DPF3: variants seen among roughly 807,000 people sequenced by gnomAD.
The protein encoded by DPF3 is double PHD fingers 3, also known as zinc finger protein DPF3.
DPF3 carries 18 observed loss-of-function variants against 56.8 expected under a neutral mutation model. The observed-to-expected ratio is 0.32, with a 90% CI of 0.22 to 0.47. The LOEUF is 0.47. DPF3 is among the 20% of genes least tolerant of loss of function. The pLI is 1.00. For missense variants in DPF3, 403 were observed against 488.8 expected (o/e 0.82, Z 1.65); for synonymous variants, 188 against 180.2 (o/e 1.04, Z -0.35).
At chr14:72,882,127 T>C (rs1459642314) in intron 1 of DPF3, among the ~76,000 whole-genome samples, 2 of 152,126 alleles carry the variant, frequency 1.3e-5, no homozygotes, top group African/African-American at 4.8e-5. Flanking sequence ...ACTTGGGTTA[T>C]GTTTATCTGA....
At chr14:72,758,359 C>A (rs1386293499) in intron 2 of DPF3, among the ~76,000 whole-genome samples, 2 of 152,180 alleles carry the variant, frequency 1.3e-5, no homozygotes, top group Non-Finnish European at 2.9e-5. Flanking sequence ...AAGAGAGTCT[C>A]CAGACTGGAA....
chr14:72,843,895 C>A (rs1884650490), intron 1 of DPF3, among the ~76,000 whole-genome samples: 1 of 152,200 alleles, frequency 6.6e-6, no homozygotes, highest in African/African-American at 2.4e-5. Flanking sequence ...GCTCTCTGAG[C>A]TTATATATAT....
At chr14:72,719,062 GC>G (rs1889060026) in intron 5 of DPF3, among the ~76,000 whole-genome samples, 1 of 136,126 alleles carries the variant, frequency 7.3e-6, no homozygotes, top group African/African-American at 2.8e-5. Flanking sequence ...GAGCCACCGT[GC>G]CAGGCCTTTT....
In DPF3 at chr14:72,838,625, G is replaced by A. The variant is rs60388720; in HGVS notation, c.32+55432C>T. On this transcript the variant is annotated intron_variant, in intron 1 of 10. Transcript: ENST00000556509. ...TAATCCCAGCACTTTGGGAGGCCGAGGTGGCGGTGTAATCCCAGCTACTCG... is the reference window on the plus strand; with the variant it reads ...TAATCCCAGCACTTTGGGAGGCCGAAGTGGCGGTGTAATCCCAGCTACTCG... Among the ~76,000 whole-genome samples the A allele has an allele frequency of 4.3e-3, 651 of 151,872 alleles. 5 individuals carry two copies. The highest frequency in any genetic ancestry group is 0.015 in the African/African-American group (624 of 41,428).
At chr14:72,689,918 T>C (rs536707432) in intron 7 of DPF3, among the ~76,000 whole-genome samples, 13 of 152,312 alleles carry the variant, frequency 8.5e-5, no homozygotes, top group Admixed American at 2.6e-4. Context: ...CTGTGAGATG[T>C]CACTAAAAAG....
intron 7 of DPF3, among the ~76,000 whole-genome samples, chr14:72,688,070 C>T (rs1887487915): frequency 6.6e-6 from 1 of 151,360 alleles, no homozygotes; most frequent in South Asian, 2.1e-4. Flanking sequence ...TGCCTGTCCT[C>T]CCTAGTCCCA....
Position 72,614,170 on chromosome 14 carries a change from G to A in DPF3, c.*5127C>T, listed in dbSNP as rs968410333. Among the ~76,000 whole-genome samples, 1 of 152,184 alleles carries A rather than the reference G, an allele frequency of 6.6e-6. No homozygotes were observed. The highest frequency in any genetic ancestry group is 2.4e-5 in the African/African-American group (1 of 41,452). On this transcript the variant is annotated 3_prime_UTR_variant, in exon 11 of 11. Coordinates refer to ENST00000556509, the MANE Select transcript of DPF3 (RefSeq NM_001280542.3). ...AATCATAAGCAGACTCCCAAACCCTGGGAATGCTCAGAAATGGGGGAGGGA... is the reference window on the plus strand; with the variant it reads ...AATCATAAGCAGACTCCCAAACCCTAGGAATGCTCAGAAATGGGGGAGGGA...
rs530652582 is a variant in DPF3, at chr14:72,671,587, G to A, written c.871+2653C>T. On this transcript the variant is annotated intron_variant, in intron 8 of 10. Transcript: ENST00000556509. ...CATAGTACATATGTCCACAGCTTCC[G>A]ACAGCAAAAGATTCAACCATGATCT... The A allele has an allele frequency of 7.1e-5, 46 of 648,278 alleles. 1 individual carries two copies. Among genetic ancestry groups the A allele is most frequent in the Admixed American group, 2.7e-4 (14 of 51,868 alleles). The allele number at this position is 648,278 out of a possible 1,614,324, so 40.2% of individuals were successfully genotyped here. A position where few individuals can be genotyped will look rare whatever the true frequency, so the allele number is the denominator to read the frequency against.
intron 1 of DPF3, among the ~76,000 whole-genome samples, chr14:72,820,125 T>C (rs2215591): frequency 0.95 from 144,387 of 152,276 alleles, 68,547 homozygotes; most frequent in South Asian, 0.99. Flanking sequence ...GAACTATATA[T>C]TTTGAATGAG....
At position 72,617,247 on chromosome 14, in the gene DPF3, C is replaced by T. The variant is rs1297403645; in HGVS notation, c.*2050G>A. Among the ~76,000 whole-genome samples the T allele has an allele frequency of 1.3e-5, 2 of 152,208 alleles. No individual in the cohort carries two copies. Among genetic ancestry groups the T allele is most frequent in the Admixed American group, 6.5e-5 (1 of 15,280 alleles). On this transcript the variant is annotated 3_prime_UTR_variant, in exon 11 of 11. Coordinates refer to ENST00000556509, the MANE Select transcript of DPF3 (RefSeq NM_001280542.3). The stretch of plus-strand genomic sequence containing the variant: ...TGGGGTTTCGGACTTGCTTTTTAAA[C>T]TTTTAAGCTATTGTGGCACTTGGGA...
intron 7 of DPF3, among the ~76,000 whole-genome samples, chr14:72,676,345 T>C (rs527994747): frequency 5.3e-5 from 8 of 152,364 alleles, no homozygotes; most frequent in African/African-American, 1.7e-4. Context: ...CTCTCTCCTA[T>C]ACTCTTAGGG....
rs138637981 is a variant in DPF3 at position 72,766,731 on chromosome 14, C to T, written c.193+5002G>A. On this transcript the variant is annotated intron_variant, in intron 2 of 10. Transcript: ENST00000556509. ...CCTCCCAAAGTGCTGGGATTACAGG[C>T]ATGAGCCTGTGTCCAGCCCGATCTT... Among the ~76,000 whole-genome samples the T allele has an allele frequency of 4.2e-3, 633 of 152,370 alleles. 5 individuals are homozygous for T. Among genetic ancestry groups the T allele is most frequent in the African/African-American group, 0.015 (608 of 41,582 alleles).
At chr14:72,662,358 C>T (rs1299566829) in intron 8 of DPF3, 1 of 984,926 alleles carries the variant, frequency 1.0e-6, no homozygotes, top group African/African-American at 1.7e-5. Flanking sequence ...CATGTCTTCA[C>T]AAAATTGCGC....
intron 1 of DPF3, among the ~76,000 whole-genome samples, chr14:72,811,785 T>G (rs1344417601): frequency 6.6e-6 from 1 of 152,128 alleles, no homozygotes; most frequent in Non-Finnish European, 1.5e-5. Context: ...ATATATTGTC[T>G]CTTGTAGATC....
intron 2 of DPF3, among the ~76,000 whole-genome samples, chr14:72,765,013 C>T (rs967537301): frequency 1.6e-4 from 25 of 152,116 alleles, no homozygotes; most frequent in Admixed American, 1.5e-3. Context: ...AGTTGGTGTC[C>T]GCAGGGAATT....
At chr14:72,859,810 C>T (rs1170298399) in intron 1 of DPF3, among the ~76,000 whole-genome samples, 1 of 152,092 alleles carries the variant, frequency 6.6e-6, no homozygotes, top group Non-Finnish European at 1.5e-5. Flanking sequence ...TATCTCCCAT[C>T]CCTCCCAGAT....
chr14:72,762,190 T>C (rs1009611278), intron 2 of DPF3, among the ~76,000 whole-genome samples: 2 of 151,854 alleles, frequency 1.3e-5, no homozygotes, highest in Non-Finnish European at 3.0e-5. Flanking sequence ...CCCAACTCAT[T>C]ATATGAGACC....
chr14:72,631,262 A>G (rs918916122), intron 8 of DPF3, among the ~76,000 whole-genome samples: 5 of 152,158 alleles, frequency 3.3e-5, no homozygotes. Context: ...CAACTTAGAG[A>G]CTTCCGCAGC....
At chr14:72,737,762 C>T (rs1889953093) in intron 3 of DPF3, among the ~76,000 whole-genome samples, 1 of 152,166 alleles carries the variant, frequency 6.6e-6, no homozygotes, top group Admixed American at 6.5e-5. Flanking sequence ...AACACCCCGA[C>T]AAGGCGCATC....
Sources: allele counts gnomAD v4.1 joint callset (sites outside exome capture counted in the v4.1 genomes callset), GRCh38; gene constraint gnomAD v4.1.1; transcripts MANE v1.5; gene names NCBI Gene and HGNC (gene_info 2026-07-23, HGNC 2026-07-21).